CCDC191: variants seen among roughly 807,000 people sequenced by gnomAD.
CCDC191 encodes coiled-coil domain containing 191, also known as coiled-coil domain-containing protein 191.
Under a neutral mutation model 114.0 loss-of-function variants are expected in CCDC191, and 99 were observed. That is an observed-to-expected ratio of 0.87 (90% CI 0.74 to 1.03). The LOEUF is 1.03. CCDC191 is among the 50% of genes least tolerant of loss of function. CCDC191 has a pLI of 0.00. For synonymous variants in CCDC191, 351 were observed against 376.0 expected (o/e 0.93, Z 0.77); for missense variants, 973 against 1,087.0 (o/e 0.90, Z 1.47).
At chr3:113,991,267 C>T (rs561424907) in intron 13 of CCDC191, among the ~76,000 whole-genome samples, 14 of 142,432 alleles carry the variant, frequency 9.8e-5, no homozygotes, top group African/African-American at 2.8e-4. Flanking sequence ...AACCCCCCCC[C>T]CCAAAAACCA....
intron 13 of CCDC191, among the ~76,000 whole-genome samples, chr3:113,988,787 G>A (rs1180679223): frequency 2.0e-5 from 3 of 151,810 alleles, no homozygotes; most frequent in Non-Finnish European, 4.4e-5. Flanking sequence ...ATTTTATAAG[G>A]CATATATGTA....
In CCDC191 at chr3:114,056,481, C is replaced by G. The variant is rs377278615; in HGVS notation, c.-15G>C. 6.2e-7 allele frequency: 1 copy of G among 1,613,946 alleles called. No individual in the cohort carries two copies. The highest frequency in any genetic ancestry group is 1.3e-5 in the African/African-American group (1 of 74,924). On this transcript the variant is annotated 5_prime_UTR_variant, in exon 1 of 17. Transcript: ENST00000295878. ...GCCAGGAGCATTTTCCAAGTTCGAGCCCGAACCTCGGCCAAAGCTGCAGCA... is the reference window on the plus strand; with the variant it reads ...GCCAGGAGCATTTTCCAAGTTCGAGGCCGAACCTCGGCCAAAGCTGCAGCA...
chr3:114,009,968 G>A (rs773562352), intron 9 of CCDC191, among the ~76,000 whole-genome samples: 7 of 151,838 alleles, frequency 4.6e-5, no homozygotes, highest in Non-Finnish European at 2.9e-5. Flanking sequence ...GTCCACTTGC[G>A]GAACTTAAAA....
chr3:114,056,607 A>G (rs1329961657), upstream of CCDC191: 1 of 1,574,270 alleles, frequency 6.4e-7, no homozygotes, highest in South Asian at 1.1e-5. Flanking sequence ...CACCACTCCC[A>G]CGAGGCTCTG....
At chr3:113,991,263 C>T (rs1353844039) in intron 13 of CCDC191, among the ~76,000 whole-genome samples, 2 of 142,664 alleles carry the variant, frequency 1.4e-5, no homozygotes, top group South Asian at 2.3e-4. Flanking sequence ...AACAAACCCC[C>T]CCCCCCAAAA....
intron 6 of CCDC191, 102 bp downstream of exon 6, chr3:114,034,823 A>T: frequency 1.1e-6 from 1 of 909,090 alleles, no homozygotes; most frequent in Non-Finnish European, 1.7e-6. Context: ...TTTCTCTTCT[A>T]TGTTTTGTTA....
chr3:113,973,231 CTTGT>C (rs1231999998), intron 16 of CCDC191, among the ~76,000 whole-genome samples: 3 of 152,016 alleles, frequency 2.0e-5, no homozygotes, highest in Non-Finnish European at 4.4e-5. Flanking sequence ...TTGACTTTTT[CTTGT>C]TTTAGTTTCC....
intron 9 of CCDC191, among the ~76,000 whole-genome samples, chr3:114,009,895 T>C (rs2076039324): frequency 6.6e-6 from 1 of 152,068 alleles, no homozygotes; most frequent in Non-Finnish European, 1.5e-5. Flanking sequence ...TTACAGAGTA[T>C]CATGTAGCCA....
chr3:113,983,987 T>C (rs1428425883), intron 13 of CCDC191: 3 of 152,156 alleles, frequency 2.0e-5, no homozygotes, highest in African/African-American at 7.2e-5. Context: ...CCAACATGCT[T>C]TTCTGGCAGG....
chr3:113,980,178 G>A (rs1290544778), intron 14 of CCDC191, among the ~76,000 whole-genome samples: 1 of 152,166 alleles, frequency 6.6e-6, no homozygotes, highest in Non-Finnish European at 1.5e-5. Context: ...TGAAAAGCAT[G>A]CCCTGAGTAG....
At chr3:114,016,966 G>A (rs2076168541) in intron 8 of CCDC191, among the ~76,000 whole-genome samples, 1 of 152,050 alleles carries the variant, frequency 6.6e-6, no homozygotes, top group Non-Finnish European at 1.5e-5. Flanking sequence ...ACTAGGTCCT[G>A]AGATTTTAGA....
chr3:114,054,884 A>T (rs1330502226), intron 1 of CCDC191, among the ~76,000 whole-genome samples: 1 of 152,068 alleles, frequency 6.6e-6, no homozygotes, highest in Non-Finnish European at 1.5e-5. Context: ...TTCTTCACTA[A>T]AAATTCAGGT....
intron 16 of CCDC191, among the ~76,000 whole-genome samples, chr3:113,968,349 T>G (rs1460324206): frequency 6.6e-6 from 1 of 152,216 alleles, no homozygotes; most frequent in Non-Finnish European, 1.5e-5. Flanking sequence ...TGATATCGCA[T>G]TGTGGTTTTG....
At chr3:114,006,014 GA>G in intron 9 of CCDC191, 52 bp from the exon 10 acceptor site, 1 of 1,466,718 alleles carries the variant, frequency 6.8e-7, no homozygotes, top group Non-Finnish European at 9.5e-7. Flanking sequence ...CTGTGCTGAT[GA>G]AATCCAACAT....
Position 114,056,411 on chromosome 3 carries a change from C to G in CCDC191, c.56G>C (p.Arg19Pro). Reference sequence around the variant, plus strand: ...CGGCTTCCTTGTGAACCGTTTCCAGCGATTCAGCCCCATCCTTTTCTTTGA... The same window carrying G: ...CGGCTTCCTTGTGAACCGTTTCCAGGGATTCAGCCCCATCCTTTTCTTTGA... ...SFSKKRMGLN[R>P]WKRFTRKPSP... Residue 19 changes from arginine (R) to proline (P), a missense_variant, in exon 1 of 17, where the codon CGC becomes CCC. By Grantham distance (103) the Arg-to-Pro change is moderately radical. Coordinates refer to ENST00000295878, the MANE Select transcript of CCDC191 (RefSeq NM_020817.2). 6.2e-7 allele frequency: 1 copy of G among 1,614,144 alleles called. No homozygotes were observed. The highest frequency in any genetic ancestry group is 1.1e-5 in the South Asian group (1 of 91,080).
At chr3:114,047,703 C>T (rs967838635) in intron 2 of CCDC191, among the ~76,000 whole-genome samples, 28 of 152,070 alleles carry the variant, frequency 1.8e-4, no homozygotes, top group Middle Eastern at 3.4e-3. Flanking sequence ...AAGCTGGGCA[C>T]GGTGGCTCAT....
intron 16 of CCDC191, among the ~76,000 whole-genome samples, chr3:113,969,351 G>C (rs1940564708): frequency 6.6e-6 from 1 of 152,140 alleles, no homozygotes; most frequent in African/African-American, 2.4e-5. Flanking sequence ...TTTTTAGCTT[G>C]ATGTAATCCC....
chr3:113,987,291 T>A (rs180772822), intron 13 of CCDC191, among the ~76,000 whole-genome samples: 1 of 152,176 alleles, frequency 6.6e-6, no homozygotes, highest in Admixed American at 6.5e-5. Flanking sequence ...TCTTCAGGCA[T>A]AAAGAATATA....
chr3:114,017,599 C>T (rs1390321109), intron 8 of CCDC191, among the ~76,000 whole-genome samples: 1 of 152,118 alleles, frequency 6.6e-6, no homozygotes, highest in East Asian at 1.9e-4. Flanking sequence ...GATTTTTCAT[C>T]CTGAATGAAT....
Sources: allele counts gnomAD v4.1 joint callset (sites outside exome capture counted in the v4.1 genomes callset), GRCh38; gene constraint gnomAD v4.1.1; transcripts MANE v1.5; gene names NCBI Gene and HGNC (gene_info 2026-07-23, HGNC 2026-07-21).